RAD51C: variants seen among roughly 807,000 people sequenced by gnomAD.
RAD51C encodes DNA repair protein RAD51 homolog 3.
Under a neutral mutation model 45.0 loss-of-function variants are expected in RAD51C, and 42 were observed. The observed-to-expected ratio is 0.93, with a 90% CI of 0.73 to 1.21. The LOEUF (loss-of-function observed/expected upper bound fraction) is 1.21, where lower values mean the gene tolerates loss of function less well. Ranked by LOEUF, RAD51C falls within the 50% of genes most tolerant of loss-of-function variation. The pLI is 0.00. For synonymous variants in RAD51C, 172 were observed against 159.8 expected (o/e 1.08, Z -0.58); for missense variants, 474 against 452.2 (o/e 1.05, Z -0.44).
At chr17:58,692,947 A>C (rs760603345) in intron 1 of RAD51C, 159 bp downstream of exon 1, 1 of 1,059,176 alleles carries the variant, frequency 9.4e-7, no homozygotes, top group Non-Finnish European at 1.4e-6. Context: ...TCCACTTACA[A>C]GTTGTCTGAA....
At chr17:58,699,673 A>T (rs1296704648) in intron 3 of RAD51C, among the ~76,000 whole-genome samples, 1 of 152,186 alleles carries the variant, frequency 6.6e-6, no homozygotes, top group Non-Finnish European at 1.5e-5. Context: ...CTCTTACAGG[A>T]AGACAAAAGT....
intron 3 of RAD51C, chr17:58,700,225 A>G (rs1190539290): frequency 1.3e-5 from 2 of 152,136 alleles, no homozygotes; most frequent in African/African-American, 2.4e-5. Context: ...CACTATGCAC[A>G]ATTAATAAAC....
At chr17:58,701,624 G>A (rs142178543) in intron 3 of RAD51C, among the ~76,000 whole-genome samples, 65 of 150,542 alleles carry the variant, frequency 4.3e-4, no homozygotes, top group African/African-American at 1.6e-3. Flanking sequence ...AGGCTGGAGT[G>A]CAGTGGCGGG....
intron 6 of RAD51C, among the ~76,000 whole-genome samples, chr17:58,721,408 G>T (rs1480211294): frequency 6.6e-6 from 1 of 152,188 alleles, no homozygotes; most frequent in African/African-American, 2.4e-5. Flanking sequence ...GAATATCGTG[G>T]TTTTGTTAGA....
At chr17:58,712,648 A>G (rs1242501666) in intron 5 of RAD51C, among the ~76,000 whole-genome samples, 1 of 150,110 alleles carries the variant, frequency 6.7e-6, no homozygotes, top group South Asian at 2.1e-4. Context: ...GTGAAACCCC[A>G]TCTCTACTAA....
chr17:58,709,814 T>C, intron 4 of RAD51C, 45 bp from the exon 5 acceptor site: 1 of 1,538,300 alleles, frequency 6.5e-7, no homozygotes, highest in Non-Finnish European at 9.0e-7. Context: ...ATTATTATTA[T>C]TTTATTTTTC....
At chr17:58,698,215 C>G (rs2048088447) in intron 3 of RAD51C, among the ~76,000 whole-genome samples, 1 of 138,066 alleles carries the variant, frequency 7.2e-6, no homozygotes, top group Non-Finnish European at 1.5e-5. Flanking sequence ...CAGGGTCTCA[C>G]TCTGTCGCCC....
rs779332818 is a variant in RAD51C, at chr17:58,692,718, G to A, written c.75G>A (p.Val25=). Residue 25 remains valine, a synonymous_variant, in exon 1 of 9, where the codon GTG becomes GTA. Coordinates refer to ENST00000337432, the MANE Select transcript of RAD51C (RefSeq NM_058216.3). ...TCCCGCTGTCTCCAGCGGTGCGGGT[G>A]AAGCTGGTGTCTGCGGGGTTCCAGA... The part of the protein sequence containing the change: ...VSFPLSPAVR[V]KLVSAGFQTA... 3.7e-6 allele frequency: 6 copies of A among 1,614,254 alleles called. No individual in the cohort carries two copies. Among genetic ancestry groups the A allele is most frequent in the Non-Finnish European group, 5.1e-6 (6 of 1,180,044 alleles).
chr17:58,730,411 T>C (rs1004799296), intron 7 of RAD51C, among the ~76,000 whole-genome samples: 2 of 150,860 alleles, frequency 1.3e-5, no homozygotes, highest in Non-Finnish European at 3.0e-5. Context: ...ACTCCTGACC[T>C]CGTGATCTGC....
intron 5 of RAD51C, among the ~76,000 whole-genome samples, chr17:58,710,500 CAAA>C (rs11421621): frequency 2.3e-4 from 20 of 86,952 alleles, no homozygotes; most frequent in Non-Finnish European, 2.1e-4. Flanking sequence ...CGTCTCAAGG[CAAA>C]AAAAAAAAAA....
intron 5 of RAD51C, among the ~76,000 whole-genome samples, chr17:58,716,508 G>A (rs2048742426): frequency 6.6e-6 from 1 of 152,112 alleles, no homozygotes; most frequent in African/African-American, 2.4e-5. Context: ...TGTCGCCCAG[G>A]CTGGAGTGCA....
intron 1 of RAD51C, 89 bp downstream of exon 1, chr17:58,692,877 T>G (rs1217455394): frequency 6.3e-7 from 1 of 1,587,404 alleles, no homozygotes; most frequent in Non-Finnish European, 8.6e-7. Context: ...TTCAGCCCAG[T>G]CTCCGTTAGA....
chr17:58,712,281 G>T (rs1258504360), intron 5 of RAD51C, among the ~76,000 whole-genome samples: 29 of 147,298 alleles, frequency 2.0e-4, no homozygotes, highest in African/African-American at 7.3e-4. Flanking sequence ...GAAGGCGGAG[G>T]TTGCAGTGAG....
At chr17:58,692,874 C>T (rs1487966572) in intron 1 of RAD51C, 86 bp downstream of exon 1, 19 of 1,594,120 alleles carry the variant, frequency 1.2e-5, no homozygotes, top group African/African-American at 2.7e-5. Flanking sequence ...GCCTTCAGCC[C>T]AGTCTCCGTT....
intron 4 of RAD51C, among the ~76,000 whole-genome samples, chr17:58,704,000 C>A (rs989455251): frequency 7.8e-6 from 1 of 128,100 alleles, no homozygotes; most frequent in African/African-American, 2.9e-5. Context: ...AAGCGATTCT[C>A]CCACCTCAGC....
At position 58,696,835 on chromosome 17, in the gene RAD51C, A is replaced by G. The variant is rs753475114; in HGVS notation, c.547A>G (p.Ile183Val). 11 of 1,614,212 alleles carry G rather than the reference A, an allele frequency of 6.8e-6. No homozygotes were observed. The highest frequency in any genetic ancestry group is 1.7e-5 in the Admixed American group (1 of 60,018). Residue 183 changes from isoleucine to valine, a missense_variant, in exon 3 of 9, where the codon ATA becomes GTA. Ile to Val is a conservative substitution (Grantham distance 29, BLOSUM62 3). Coordinates refer to ENST00000337432, the MANE Select transcript of RAD51C (RefSeq NM_058216.3). ...TGCCTGCATTCAGCACCTTCAGCTT[A>G]TAGCAGAAAAACACAAGGGAGAGGG... is the stretch of plus-strand genomic sequence containing the variant. ...ATACIQHLQL[I>V]AEKHKGEEHR...
intron 7 of RAD51C, 51 bp from the exon 8 acceptor site, chr17:58,732,433 A>T (rs757570800): frequency 6.7e-7 from 1 of 1,495,132 alleles, no homozygotes; most frequent in Non-Finnish European, 9.3e-7. Flanking sequence ...CTGAACTTTT[A>T]ATTAATTAAG....
intron 3 of RAD51C, 125 bp from the exon 4 acceptor site, chr17:58,703,071 C>A: frequency 2.9e-6 from 3 of 1,049,826 alleles, no homozygotes; most frequent in Non-Finnish European, 2.8e-6. Flanking sequence ...TATAATTTGT[C>A]ATCTTTCAGT....
intron 4 of RAD51C, among the ~76,000 whole-genome samples, chr17:58,706,243 A>G (rs534922851): frequency 1.7e-3 from 259 of 151,954 alleles, no homozygotes; most frequent in African/African-American, 6.0e-3. Context: ...CCTGGCCAAT[A>G]TGGTGAAACC....
Sources: gnomAD v4.1 joint callset for allele counts (sites outside exome capture counted in the v4.1 genomes callset) on GRCh38, gnomAD v4.1.1 for gene constraint, MANE v1.5 for transcripts, NCBI Gene and HGNC (gene_info 2026-07-23, HGNC 2026-07-21) for gene names.